Variants in MYO3B observed in about 807,000 individuals in gnomAD.
The protein encoded by MYO3B is myosin IIIB, also known as myosin-IIIb.
MYO3B carries 156 observed loss-of-function variants against 174.6 expected under a neutral mutation model. That is an observed-to-expected ratio of 0.89 (90% confidence interval 0.78 to 1.02). MYO3B has a LOEUF of 1.02. Among genes scored for constraint, MYO3B ranks in the 50% least tolerant of loss-of-function variants. The pLI is 0.00. For missense variants in MYO3B, 1,632 were observed against 1,639.4 expected, an observed-to-expected ratio of 1.00 and a Z score of 0.08; for synonymous variants, 563 against 569.1, an observed-to-expected ratio of 0.99 and a Z score of 0.15.
At chr2:170,466,053 T>A (rs946846552) in intron 24 of MYO3B, among the ~76,000 whole-genome samples, 4 of 152,204 alleles carry the variant, frequency 2.6e-5, no homozygotes, top group African/African-American at 4.8e-5. Flanking sequence ...GTATTTTTCT[T>A]TTCTGTCCCA....
chr2:170,259,087 T>G (rs1370921109), intron 7 of MYO3B, among the ~76,000 whole-genome samples: 1 of 152,124 alleles, frequency 6.6e-6, no homozygotes, highest in Non-Finnish European at 1.5e-5. Context: ...GGAAAAACAT[T>G]CCATGCTCAT....
intron 7 of MYO3B, among the ~76,000 whole-genome samples, chr2:170,268,175 T>G (rs1461828079): frequency 6.6e-6 from 1 of 151,970 alleles, no homozygotes; most frequent in African/African-American, 2.4e-5. Flanking sequence ...ACTAAAGGAA[T>G]GGAGTGGCCT....
chr2:170,540,681 ACAG>A lies in MYO3B; in HGVS notation c.3576-2222_3576-2220del, dbSNP rs368549615. ...AAAAAACAACAAAAAAAACAAAAAA[ACAG>A]CAACAACAACAACAACAACTCTATA... is the stretch of plus-strand genomic sequence containing the variant. On this transcript the variant is annotated intron_variant, in intron 30 of 34. Coordinates refer to ENST00000408978, the MANE Select transcript of MYO3B (RefSeq NM_138995.5). Among the ~76,000 whole-genome samples, 567 of 148,964 alleles carry A rather than the reference ACAG, an allele frequency of 3.8e-3. 2 individuals are homozygous for A. The highest frequency in any genetic ancestry group is 0.013 in the African/African-American group (522 of 39,488).
rs563615353 is a variant in MYO3B at position 170,559,221 on chromosome 2, C to G, written c.3733+15233C>G. Among the ~76,000 whole-genome samples, 7 of 152,298 alleles carry G rather than the reference C, an allele frequency of 4.6e-5. No individual in the cohort carries two copies. In the South Asian group the frequency reaches 1.2e-3, roughly 27 times the overall value. On this transcript the variant is annotated intron_variant, in intron 32 of 34. Transcript: ENST00000408978. ...CATAGAGTCAGTAGTACCTCTGGAT[C>G]AGCATTCTGGCACAGGCTATTCTTA... is the stretch of plus-strand genomic sequence containing the variant.
chr2:170,377,016 G>T (rs1379937300), intron 9 of MYO3B, among the ~76,000 whole-genome samples: 1 of 152,074 alleles, frequency 6.6e-6, no homozygotes, highest in Non-Finnish European at 1.5e-5. Flanking sequence ...TTGCAGCTCT[G>T]TTTGTACCTA....
intron 32 of MYO3B, among the ~76,000 whole-genome samples, chr2:170,577,924 A>G (rs1038449318): frequency 6.6e-6 from 1 of 152,192 alleles, no homozygotes; most frequent in Non-Finnish European, 1.5e-5. Flanking sequence ...ATTTTGCTCA[A>G]ACTGCAAAGT....
At chr2:170,224,661 C>T (rs2092933193) in intron 6 of MYO3B, among the ~76,000 whole-genome samples, 2 of 152,140 alleles carry the variant, frequency 1.3e-5, no homozygotes, top group South Asian at 2.1e-4. Context: ...AAACAGCTAA[C>T]GGTCTGTTTC....
chr2:170,466,488 C>CA lies in MYO3B; in HGVS notation c.2809-17dup. ...GTTGGTGGTAACCTTGTTCCTTGTGCATTTTTCTCCCTGGTAGTATTCTCT... is the reference window on the plus strand; with the variant it reads ...GTTGGTGGTAACCTTGTTCCTTGTGCAATTTTTCTCCCTGGTAGTATTCTCT... On this transcript the variant is annotated splice_polypyrimidine_tract_variant and intron_variant, in intron 24 of 34. Transcript: ENST00000408978. The CA allele has an allele frequency of 6.2e-7, 1 of 1,612,290 alleles. No individual in the cohort carries two copies. Among genetic ancestry groups the CA allele is most frequent in the South Asian group, 1.1e-5 (1 of 90,998 alleles).
chr2:170,271,224 T>C (rs1368649498), intron 7 of MYO3B, among the ~76,000 whole-genome samples: 1 of 152,200 alleles, frequency 6.6e-6, no homozygotes, highest in East Asian at 1.9e-4. Flanking sequence ...GCACAGGGAA[T>C]GTTAAAGTGG....
At chr2:170,492,895 G>T (rs998433066) in intron 25 of MYO3B, among the ~76,000 whole-genome samples, 1 of 152,194 alleles carries the variant, frequency 6.6e-6, no homozygotes. Flanking sequence ...CATGGGCCAG[G>T]TCTCATAGGA....
chr2:170,538,432 G>A (rs1042617698), intron 30 of MYO3B, among the ~76,000 whole-genome samples: 1 of 152,210 alleles, frequency 6.6e-6, no homozygotes, highest in Non-Finnish European at 1.5e-5. Context: ...CTGTGAAGCT[G>A]AGGCCCAGTC....
chr2:170,624,944 G>C lies in MYO3B; in HGVS notation c.3734-26684G>C, dbSNP rs180888818. Reference sequence around the variant, plus strand: ...CTTGATCATGGTGGATAAGCTTTTTGATGTGCTGCTGGATTCGGTTTGCCA... The same window carrying C: ...CTTGATCATGGTGGATAAGCTTTTTCATGTGCTGCTGGATTCGGTTTGCCA... On this transcript the variant is annotated intron_variant, in intron 32 of 34. Coordinates refer to ENST00000408978, the MANE Select transcript of MYO3B (RefSeq NM_138995.5). Among the ~76,000 whole-genome samples, 197 of 152,270 alleles carry C rather than the reference G, an allele frequency of 1.3e-3. 4 individuals are homozygous for C. The highest frequency in any genetic ancestry group is 0.011 in the Admixed American group (170 of 15,290).
chr2:170,611,501 AGGACAGTGG>A (rs558992579), intron 32 of MYO3B, among the ~76,000 whole-genome samples: 17 of 152,324 alleles, frequency 1.1e-4, no homozygotes, highest in Admixed American at 4.6e-4. Flanking sequence ...GCGGGTGTTG[AGGACAGTGG>A]GGACAGTGGG....
intron 25 of MYO3B, among the ~76,000 whole-genome samples, chr2:170,467,482 T>A (rs932553213): frequency 1.3e-5 from 2 of 151,986 alleles, no homozygotes; most frequent in African/African-American, 2.4e-5. Flanking sequence ...TATGTATGAA[T>A]GTGATTACAA....
At chr2:170,333,559 CT>C (rs2093926609) in intron 7 of MYO3B, among the ~76,000 whole-genome samples, 1 of 152,282 alleles carries the variant, frequency 6.6e-6, no homozygotes, top group Admixed American at 6.5e-5. Flanking sequence ...TCCTTCCCCC[CT>C]GCTCTCTCTT....
At chr2:170,642,277 A>G (rs1445599011) in intron 32 of MYO3B, among the ~76,000 whole-genome samples, 2 of 152,170 alleles carry the variant, frequency 1.3e-5, no homozygotes, top group Non-Finnish European at 2.9e-5. Flanking sequence ...AGGGGAAGTT[A>G]TTGCCACCTC....
chr2:170,363,257 C>T (rs1233351645), intron 8 of MYO3B, among the ~76,000 whole-genome samples: 1 of 152,008 alleles, frequency 6.6e-6, no homozygotes, highest in Non-Finnish European at 1.5e-5. Flanking sequence ...TCTAGTTTTG[C>T]CCCAATGTAT....
intron 32 of MYO3B, among the ~76,000 whole-genome samples, chr2:170,545,505 A>T (rs550739299): frequency 6.6e-6 from 1 of 152,340 alleles, no homozygotes; most frequent in South Asian, 2.1e-4. Context: ...TAGGTAGAGA[A>T]ATAAAGTTCT....
chr2:170,394,072 T>A (rs1220841746), intron 16 of MYO3B, among the ~76,000 whole-genome samples: 2 of 152,140 alleles, frequency 1.3e-5, no homozygotes, highest in African/African-American at 4.8e-5. Flanking sequence ...CATAGAGAAG[T>A]CAAGGTTAAT....
Sources: gnomAD v4.1 joint callset for allele counts (sites outside exome capture counted in the v4.1 genomes callset) on GRCh38, gnomAD v4.1.1 for gene constraint, MANE v1.5 for transcripts, NCBI Gene and HGNC (gene_info 2026-07-23, HGNC 2026-07-21) for gene names.